Variants in PEAK1 observed in about 807,000 individuals in gnomAD.
PEAK1 encodes the protein pseudopodium enriched atypical kinase 1.
Under a neutral mutation model 124.7 loss-of-function variants are expected in PEAK1, and 54 were observed. The observed-to-expected ratio is 0.43, with a 90% CI of 0.35 to 0.54. The LOEUF is 0.54. Among genes scored for constraint, PEAK1 ranks in the 20% least tolerant of loss-of-function variants. The pLI is 0.01. For synonymous variants in PEAK1, 719 were observed against 760.0 expected, an observed-to-expected ratio of 0.95 and a Z score of 0.89; for missense variants, 2,046 against 2,134.5, an observed-to-expected ratio of 0.96 and a Z score of 0.82.
intron 1 of PEAK1, among the ~76,000 whole-genome samples, chr15:77,413,214 A>G (rs1278280409): frequency 6.6e-6 from 1 of 152,202 alleles, no homozygotes; most frequent in African/African-American, 2.4e-5. Flanking sequence ...ATATTTACCA[A>G]TTACTGTGGT....
At position 77,311,697 on chromosome 15, in the gene PEAK1, A is replaced by AAG. The variant is rs1166250748; in HGVS notation, c.-602-25194_-602-25193insCT. Among the ~76,000 whole-genome samples, 131 of 151,416 alleles carry AAG rather than the reference A, an allele frequency of 8.7e-4. 2 individuals are homozygous for AAG. Among genetic ancestry groups the AAG allele is most frequent in the African/African-American group, 3.0e-3 (122 of 41,278 alleles). On this transcript the variant is annotated intron_variant, in intron 2 of 9. Transcript: ENST00000682557. ...CCCCCAACCCCCACAAAAAAAAAAA[A>AAG]AAAAAAAAAGAAAAAGAAAACTAAA... is the stretch of plus-strand genomic sequence containing the variant.
chr15:77,401,826 T>C (rs1460410429), intron 1 of PEAK1: 2 of 983,360 alleles, frequency 2.0e-6, no homozygotes, highest in African/African-American at 1.7e-5. Flanking sequence ...TGATTACAAG[T>C]AGCCATTAGG....
intron 8 of PEAK1, among the ~76,000 whole-genome samples, chr15:77,138,754 C>G (rs954723515): frequency 4.6e-5 from 7 of 151,454 alleles, no homozygotes; most frequent in Non-Finnish European, 7.4e-5. Context: ...CCCAGCTACT[C>G]AGGAGGCTGA....
intron 1 of PEAK1, among the ~76,000 whole-genome samples, chr15:77,396,637 T>C (rs963701558): frequency 6.6e-6 from 1 of 152,090 alleles, no homozygotes; most frequent in Non-Finnish European, 1.5e-5. Flanking sequence ...CTATACTTAT[T>C]TGAGACAAAA....
At chr15:77,397,807 C>T (rs945973540) in intron 1 of PEAK1, among the ~76,000 whole-genome samples, 6 of 152,102 alleles carry the variant, frequency 3.9e-5, no homozygotes, top group African/African-American at 1.4e-4. Context: ...TGCCTGTAAT[C>T]CCAGCACCTT....
intron 2 of PEAK1, among the ~76,000 whole-genome samples, chr15:77,358,055 A>G (rs2067634401): frequency 6.6e-6 from 1 of 152,150 alleles, no homozygotes; most frequent in Non-Finnish European, 1.5e-5. Context: ...TGCATCCATG[A>G]GCACTTCCTT....
rs1240063406 is a variant in PEAK1 at position 77,348,282 on chromosome 15, T to A, written c.-603+16881A>T. The A allele has an allele frequency of 8.8e-6, 8 of 909,848 alleles. No individual in the cohort carries two copies. The Admixed American group carries it at 4.3e-4, about 49-fold the overall frequency. 56.4% of individuals were successfully genotyped at this position (909,848 alleles called of 1,614,324 possible). On this transcript the variant is annotated intron_variant, in intron 2 of 9. Transcript: ENST00000682557. ...GCGTACAACATCCCTGAGTCTCAATTTTCCTCATCAGTAAAATGAGTCTCA... is the reference window on the plus strand; with the variant it reads ...GCGTACAACATCCCTGAGTCTCAATATTCCTCATCAGTAAAATGAGTCTCA...
intron 9 of PEAK1, among the ~76,000 whole-genome samples, chr15:77,121,380 T>G (rs967938887): frequency 1.3e-5 from 2 of 152,232 alleles, no homozygotes; most frequent in African/African-American, 4.8e-5. Context: ...CCATAGGGCT[T>G]ATTTACTCGG....
At chr15:77,135,492 C>T (rs1442377518) in intron 8 of PEAK1, among the ~76,000 whole-genome samples, 2 of 152,196 alleles carry the variant, frequency 1.3e-5, no homozygotes, top group African/African-American at 4.8e-5. Flanking sequence ...TAGCCCACTG[C>T]TTATAGGCTA....
chr15:77,176,586 T>C (rs184505112), intron 7 of PEAK1, among the ~76,000 whole-genome samples: 173 of 152,338 alleles, frequency 1.1e-3, no homozygotes, highest in Non-Finnish European at 1.2e-3. Context: ...TAAGAACCAA[T>C]GGGCAAATGA....
At chr15:77,197,522 T>C (rs1206931110) in intron 6 of PEAK1, among the ~76,000 whole-genome samples, 2 of 152,204 alleles carry the variant, frequency 1.3e-5, no homozygotes, top group Admixed American at 6.5e-5. Context: ...TTGATAGATT[T>C]CTGTTATTTT....
At chr15:77,194,594 T>C (rs2058015751) in intron 6 of PEAK1, among the ~76,000 whole-genome samples, 1 of 152,176 alleles carries the variant, frequency 6.6e-6, no homozygotes, top group South Asian at 2.1e-4. Flanking sequence ...ATTCCCATCA[T>C]ATGGCTTTTG....
chr15:77,229,740 C>T (rs897315036), intron 6 of PEAK1, among the ~76,000 whole-genome samples: 8 of 151,976 alleles, frequency 5.3e-5, no homozygotes, highest in South Asian at 2.1e-4. Context: ...CTCTCCCTCC[C>T]GGATTCAATC....
At chr15:77,276,988 T>C (rs2062364707) in intron 5 of PEAK1, among the ~76,000 whole-genome samples, 1 of 152,064 alleles carries the variant, frequency 6.6e-6, no homozygotes, top group African/African-American at 2.4e-5. Context: ...ACTTGTTACA[T>C]ACAAAATGTA....
intron 2 of PEAK1, among the ~76,000 whole-genome samples, chr15:77,356,551 G>A (rs962347912): frequency 2.6e-5 from 4 of 152,172 alleles, no homozygotes; most frequent in Admixed American, 6.5e-5. Context: ...ATAAGAGATT[G>A]ACAAGAGTCA....
chr15:77,328,880 T>A (rs2065735446), intron 2 of PEAK1, among the ~76,000 whole-genome samples: 2 of 152,146 alleles, frequency 1.3e-5, no homozygotes, highest in Admixed American at 1.3e-4. Context: ...ACTGAAAATC[T>A]ACATGCCAAT....
rs143845539 is a variant in PEAK1, at chr15:77,398,842, C to A, written c.-666+21164G>T. ...TCAAATTATCATTGTTTGTAGATGA[C>A]ATGATCTTATATTTGGATAAACCTA... On this transcript the variant is annotated intron_variant, in intron 1 of 9. Transcript: ENST00000682557. 5.1e-3 allele frequency among the ~76,000 whole-genome samples: 769 copies of A among 152,134 alleles called. 5 individuals are homozygous for A. The highest frequency in any genetic ancestry group is 0.017 in the African/African-American group (714 of 41,520).
intron 5 of PEAK1, among the ~76,000 whole-genome samples, chr15:77,264,886 G>C (rs527630076): frequency 6.6e-6 from 1 of 152,028 alleles, no homozygotes; most frequent in South Asian, 2.1e-4. Context: ...AAAACAGCAT[G>C]GTACTGGTAC....
intron 2 of PEAK1, chr15:77,336,004 T>G: frequency 1.0e-6 from 1 of 985,352 alleles, no homozygotes; most frequent in Non-Finnish European, 1.2e-6. Flanking sequence ...ATGGTCAGAG[T>G]TAATAGACCC....
Sources: gnomAD v4.1 joint callset for allele counts (sites outside exome capture counted in the v4.1 genomes callset) on GRCh38, gnomAD v4.1.1 for gene constraint, MANE v1.5 for transcripts, NCBI Gene and HGNC (gene_info 2026-07-23, HGNC 2026-07-21) for gene names.